PARD3B: variants seen among roughly 807,000 people sequenced by gnomAD.
The protein encoded by PARD3B is partitioning defective 3 homolog B.
Under a neutral mutation model 130.2 loss-of-function variants are expected in PARD3B, and 103 were observed. The ratio of observed to expected loss-of-function variants is 0.79; its 90% confidence interval spans 0.67 to 0.93. The LOEUF is 0.93. Ranked by LOEUF, PARD3B falls within the 40% of genes least tolerant of loss-of-function variation. The probability of loss-of-function intolerance (pLI) is 0.00; values close to 1 mark genes in which losing one functional copy is unlikely to be tolerated. For missense variants in PARD3B, 1,609 were observed against 1,499.2 expected (o/e 1.07, Z -1.21); for synonymous variants, 583 against 553.2 (o/e 1.05, Z -0.76).
At chr2:204,845,720 C>T (rs894575422) in intron 2 of PARD3B, among the ~76,000 whole-genome samples, 2 of 152,008 alleles carry the variant, frequency 1.3e-5, no homozygotes, top group Non-Finnish European at 2.9e-5. Flanking sequence ...CTCTGATTTC[C>T]GTTGATTTTA....
intron 20 of PARD3B, 89 bp from the exon 21 acceptor site, chr2:205,499,807 G>C: frequency 7.6e-7 from 1 of 1,307,518 alleles, no homozygotes; most frequent in Non-Finnish European, 1.0e-6. Context: ...TCCAAATTTA[G>C]ATGTCAACTC....
At chr2:205,398,883 C>T (rs564683731) in intron 18 of PARD3B, among the ~76,000 whole-genome samples, 2 of 152,294 alleles carry the variant, frequency 1.3e-5, no homozygotes, top group Admixed American at 1.3e-4. Flanking sequence ...ATTTATATGT[C>T]AGGTCCTCAT....
chr2:204,554,351 T>C lies in PARD3B; in HGVS notation c.120+8232T>C, dbSNP rs969865477. ...ACATCTGGTAGGCATCTTACACTTA[T>C]AGCATGCCCCCAAATGAATTCCTAA... On this transcript the variant is annotated intron_variant, in intron 1 of 22. Transcript: ENST00000406610. Among the ~76,000 whole-genome samples the C allele has an allele frequency of 4.6e-5, 7 of 152,238 alleles. No homozygotes were observed. The South Asian group carries it at 6.2e-4, about 14-fold the overall frequency.
Position 204,621,039 on chromosome 2 carries a change from G to T in PARD3B, c.121-65142G>T, listed in dbSNP as rs115075890. On this transcript the variant is annotated intron_variant, in intron 1 of 22. Transcript: ENST00000406610. Reference sequence around the variant, plus strand: ...TCCTGGACATCAAAATAAGAGGAATGCCAAGCTTATATGTACCTCTGTGGG... The same window carrying T: ...TCCTGGACATCAAAATAAGAGGAATTCCAAGCTTATATGTACCTCTGTGGG... Among the ~76,000 whole-genome samples the T allele has an allele frequency of 4.7e-3, 720 of 152,304 alleles. 6 individuals carry two copies. The highest frequency in any genetic ancestry group is 0.017 in the African/African-American group (696 of 41,560).
rs1004581401 is a variant in PARD3B, at chr2:205,362,815, A to T, written c.2631-38198A>T. Among the ~76,000 whole-genome samples the T allele has an allele frequency of 6.4e-4, 98 of 152,238 alleles. 6 individuals are homozygous for T. Among genetic ancestry groups the T allele is most frequent in the Non-Finnish European group, 1.5e-5 (1 of 68,038 alleles). On this transcript the variant is annotated intron_variant, in intron 18 of 22. Transcript: ENST00000406610. ...CTGCCTAAAGTTACAGGGTGCTGAA[A>T]TTAGAAGCCGGCTTGCCTGACTTCT...
chr2:204,700,282 A>G (rs2335635), intron 2 of PARD3B, among the ~76,000 whole-genome samples: 150,264 of 152,142 alleles, frequency 0.99, 74,238 homozygotes, highest in Middle Eastern at 1. Flanking sequence ...AGCATCTGAT[A>G]GCCTCATGTT....
intron 18 of PARD3B, among the ~76,000 whole-genome samples, chr2:205,391,985 C>T (rs927967338): frequency 6.6e-6 from 1 of 152,088 alleles, no homozygotes; most frequent in African/African-American, 2.4e-5. Context: ...TACAAATCGT[C>T]CATTCAGAGG....
intron 2 of PARD3B, among the ~76,000 whole-genome samples, chr2:204,700,976 T>C (rs1479522721): frequency 6.6e-6 from 1 of 152,066 alleles, no homozygotes; most frequent in Admixed American, 6.6e-5. Flanking sequence ...TGCAATCACA[T>C]CAAGCAGGAG....
At chr2:204,551,482 A>G (rs532252512) in intron 1 of PARD3B, among the ~76,000 whole-genome samples, 1 of 152,124 alleles carries the variant, frequency 6.6e-6, no homozygotes, top group South Asian at 2.1e-4. Context: ...GCCTTAATTC[A>G]TGGTTGCTAT....
intron 14 of PARD3B, among the ~76,000 whole-genome samples, chr2:205,186,857 C>T (rs1432678151): frequency 6.6e-6 from 1 of 152,100 alleles, no homozygotes; most frequent in Non-Finnish European, 1.5e-5. Flanking sequence ...ATTTCCATTG[C>T]CTGCCTCGAT....
intron 20 of PARD3B, among the ~76,000 whole-genome samples, chr2:205,486,852 C>T (rs2049463026): frequency 6.6e-6 from 1 of 151,982 alleles, no homozygotes. Context: ...ACAAACCGTA[C>T]CACGAGTTGA....
chr2:204,958,066 G>T (rs763574323), intron 2 of PARD3B, among the ~76,000 whole-genome samples: 9 of 152,106 alleles, frequency 5.9e-5, no homozygotes, highest in African/African-American at 1.9e-4. Context: ...TAGTTCACTT[G>T]ACATGTAATT....
At chr2:205,409,827 A>G (rs2046535388) in intron 19 of PARD3B, among the ~76,000 whole-genome samples, 1 of 152,194 alleles carries the variant, frequency 6.6e-6, no homozygotes. Flanking sequence ...TACATTCTGA[A>G]AAGGAATTAT....
chr2:205,156,911 G>A (rs2034207698), intron 10 of PARD3B, among the ~76,000 whole-genome samples: 1 of 152,184 alleles, frequency 6.6e-6, no homozygotes, highest in African/African-American at 2.4e-5. Context: ...AAGTGTTAGT[G>A]CAAAGAGTGG....
chr2:204,568,499 T>TA (rs906078944), intron 1 of PARD3B, among the ~76,000 whole-genome samples: 1 of 152,208 alleles, frequency 6.6e-6, no homozygotes, highest in Non-Finnish European at 1.5e-5. Context: ...TCTTAATCTT[T>TA]AAAAAAATTT....
In PARD3B at chr2:205,563,988, G is replaced by A. The variant is rs1161266932; in HGVS notation, c.3260+10585G>A. On this transcript the variant is annotated intron_variant, in intron 22 of 22. Coordinates refer to ENST00000406610, the MANE Select transcript of PARD3B (RefSeq NM_001302769.2). This position sits in a 1 kb window ranked among gnomAD's most constrained non-coding sequence, Gnocchi z 4.2. ...CCCGTATTGTGCTCCAAGAACTCTG[G>A]CAAGTACTTTAAATATGTCACCTCA... Among the ~76,000 whole-genome samples, 1 of 152,136 alleles carries A rather than the reference G, an allele frequency of 6.6e-6. No individual in the cohort carries two copies. The highest frequency in any genetic ancestry group is 1.9e-4 in the East Asian group (1 of 5,188).
At position 205,230,692 on chromosome 2, in the gene PARD3B, C is replaced by T. The variant is rs965689656; in HGVS notation, c.2141-15086C>T. 6.6e-6 allele frequency among the ~76,000 whole-genome samples: 1 copy of T among 152,180 alleles called. No individual in the cohort carries two copies. Among genetic ancestry groups the T allele is most frequent in the Admixed American group, 6.5e-5 (1 of 15,274 alleles). On this transcript the variant is annotated intron_variant, in intron 15 of 22. Transcript: ENST00000406610. This position sits in a 1 kb window ranked among gnomAD's most constrained non-coding sequence, Gnocchi z 4.1. ...TCCACTTACTCCAAGCCCAGCACAG[C>T]ATCAAGACTTGCCCAGTAATTGCAG...
At chr2:205,519,142 G>C (rs368383164) in intron 21 of PARD3B, among the ~76,000 whole-genome samples, 1 of 152,212 alleles carries the variant, frequency 6.6e-6, no homozygotes, top group South Asian at 2.1e-4. Context: ...GTCTAGCAAG[G>C]TTGGGGAAGT....
intron 10 of PARD3B, among the ~76,000 whole-genome samples, chr2:205,144,003 T>C (rs1217359925): frequency 2.0e-5 from 3 of 152,196 alleles, no homozygotes; most frequent in African/African-American, 7.2e-5. Context: ...GATGGGATTA[T>C]TAGTTTTTAT....
Sources: gnomAD v4.1 joint callset for allele counts (sites outside exome capture counted in the v4.1 genomes callset) on GRCh38, gnomAD v4.1.1 for gene constraint, Gnocchi (gnomAD v3.1) non-coding constraint, MANE v1.5 for transcripts, NCBI Gene and HGNC (gene_info 2026-07-23, HGNC 2026-07-21) for gene names.